MBOAT2: variants seen among roughly 807,000 people sequenced by gnomAD.
The protein encoded by MBOAT2 is membrane-bound glycerophospholipid O-acyltransferase 2.
A neutral mutation model predicts 63.4 loss-of-function variants in MBOAT2; 28 were observed. The observed-to-expected ratio is 0.44, with a 90% CI of 0.33 to 0.61. The LOEUF (loss-of-function observed/expected upper bound fraction) is 0.61. Ranked by LOEUF, MBOAT2 falls within the 20% of genes least tolerant of loss-of-function variation. MBOAT2 has a pLI of 0.03. For synonymous variants in MBOAT2, 211 were observed against 215.6 expected, an observed-to-expected ratio of 0.98 and a Z score of 0.19; for missense variants, 470 against 605.8, an observed-to-expected ratio of 0.78 and a Z score of 2.35.
chr2:8,870,877 A>G (rs1662266259), intron 8 of MBOAT2, among the ~76,000 whole-genome samples: 1 of 152,258 alleles, frequency 6.6e-6, no homozygotes, highest in Admixed American at 6.5e-5. Context: ...TTTGGTTTGT[A>G]AATATGTAAA....
chr2:8,889,696 C>T (rs1386122677), intron 4 of MBOAT2, among the ~76,000 whole-genome samples: 1 of 152,196 alleles, frequency 6.6e-6, no homozygotes, highest in Admixed American at 6.5e-5. Context: ...AAATTCTCTT[C>T]AGTTCTAAAT....
intron 4 of MBOAT2, among the ~76,000 whole-genome samples, chr2:8,907,185 T>C (rs370910704): frequency 7.2e-4 from 110 of 152,386 alleles, no homozygotes; most frequent in African/African-American, 2.5e-3. Context: ...AAGCTCTTAA[T>C]TTCTCTTTCA....
chr2:8,939,969 T>C (rs1667934215), intron 3 of MBOAT2, among the ~76,000 whole-genome samples: 1 of 152,172 alleles, frequency 6.6e-6, no homozygotes, highest in Non-Finnish European at 1.5e-5. Context: ...TTCAGTCAAA[T>C]GAAATTAGAT....
At chr2:8,948,409 G>T (rs1558646424) in intron 2 of MBOAT2, among the ~76,000 whole-genome samples, 1 of 152,054 alleles carries the variant, frequency 6.6e-6, no homozygotes, top group African/African-American at 2.4e-5. Context: ...CCATAATGAT[G>T]AGGTTTAGGG....
At chr2:8,933,672 G>T (rs1369307099) in intron 3 of MBOAT2, among the ~76,000 whole-genome samples, 2 of 151,972 alleles carry the variant, frequency 1.3e-5, no homozygotes, top group East Asian at 3.9e-4. Flanking sequence ...ATTAATTTGG[G>T]GCATTAACTA....
rs1662441577 is a variant in MBOAT2, at chr2:8,873,015, T to G, written c.883+93A>C. 17 of 1,152,280 alleles carry G rather than the reference T, an allele frequency of 1.5e-5. No individual in the cohort carries two copies. The South Asian group carries it at 2.4e-4, about 16-fold the overall frequency. The allele number at this position is 1,152,280 out of a possible 1,614,324, so 71.4% of individuals were successfully genotyped here. On this transcript the variant is annotated intron_variant, in intron 8 of 12. Coordinates refer to ENST00000305997, the MANE Select transcript of MBOAT2 (RefSeq NM_138799.4). ...ACTTAATTTTTCCAATTGGTCTTTA[T>G]GTATCCTCAAGAGGGCGCACTGATA... is the stretch of plus-strand genomic sequence containing the variant.
chr2:8,909,534 A>G (rs2148589195), intron 3 of MBOAT2, among the ~76,000 whole-genome samples: 1 of 152,330 alleles, frequency 6.6e-6, no homozygotes, highest in East Asian at 1.9e-4. Flanking sequence ...AGGACTTTCT[A>G]AGCAATATAT....
chr2:8,930,720 G>C (rs1194921457), intron 3 of MBOAT2, among the ~76,000 whole-genome samples: 1 of 134,070 alleles, frequency 7.5e-6, no homozygotes, highest in Non-Finnish European at 1.6e-5. Flanking sequence ...GTTGTGGGGT[G>C]GGGGGAGGGG....
intron 4 of MBOAT2, among the ~76,000 whole-genome samples, chr2:8,893,667 G>A (rs1332922578): frequency 1.3e-5 from 2 of 152,316 alleles, no homozygotes; most frequent in South Asian, 2.1e-4. Flanking sequence ...TTGAGAACAG[G>A]AAATGAAAGG....
intron 1 of MBOAT2, among the ~76,000 whole-genome samples, chr2:8,975,713 C>G (rs558921367): frequency 1.1e-3 from 156 of 143,536 alleles, no homozygotes; most frequent in African/African-American, 4.0e-3. Flanking sequence ...TGTATAGGTA[C>G]AATGGATGAA....
chr2:8,969,145 G>C (rs1308316635), intron 1 of MBOAT2, among the ~76,000 whole-genome samples: 11 of 152,128 alleles, frequency 7.2e-5, no homozygotes, highest in Admixed American at 7.2e-4. Flanking sequence ...TCCACAAAGG[G>C]AAGCCCATCA....
chr2:8,879,369 T>C (rs1397003302), intron 6 of MBOAT2, among the ~76,000 whole-genome samples: 1 of 152,208 alleles, frequency 6.6e-6, no homozygotes, highest in Non-Finnish European at 1.5e-5. Context: ...TTCTAAACCA[T>C]GAAACTGGCT....
At chr2:8,896,310 G>C (rs1371855122) in intron 4 of MBOAT2, among the ~76,000 whole-genome samples, 1 of 151,476 alleles carries the variant, frequency 6.6e-6, no homozygotes, top group Admixed American at 6.6e-5. Context: ...CGTAAAGGCC[G>C]GGTGGCATCT....
chr2:8,909,566 GA>G (rs1183266794), intron 3 of MBOAT2, among the ~76,000 whole-genome samples: 2 of 151,966 alleles, frequency 1.3e-5, no homozygotes, highest in African/African-American at 2.4e-5. Context: ...AATCAAGGGA[GA>G]AAAAAACCTT....
At chr2:8,933,109 G>A (rs1667437988) in intron 3 of MBOAT2, among the ~76,000 whole-genome samples, 1 of 152,068 alleles carries the variant, frequency 6.6e-6, no homozygotes, top group Non-Finnish European at 1.5e-5. Context: ...TCATTCTAAT[G>A]GATGGTTGCA....
At chr2:8,947,622 G>A (rs563884108) in intron 2 of MBOAT2, among the ~76,000 whole-genome samples, 24 of 152,240 alleles carry the variant, frequency 1.6e-4, no homozygotes, top group South Asian at 8.3e-4. Context: ...TAAGAATTAC[G>A]CTAAATCGAT....
intron 8 of MBOAT2, among the ~76,000 whole-genome samples, chr2:8,869,040 A>G (rs568991918): frequency 1.3e-5 from 2 of 152,096 alleles, no homozygotes; most frequent in South Asian, 4.2e-4. Flanking sequence ...TACTCTGTGT[A>G]TATGTCTCTA....
At chr2:8,927,899 T>C (rs1204323006) in intron 3 of MBOAT2, among the ~76,000 whole-genome samples, 1 of 152,148 alleles carries the variant, frequency 6.6e-6, no homozygotes, top group East Asian at 1.9e-4. Context: ...AGAGGGTTAA[T>C]TGGCTCACAG....
chr2:8,958,028 G>A (rs1669348603), intron 2 of MBOAT2, among the ~76,000 whole-genome samples: 1 of 151,976 alleles, frequency 6.6e-6, no homozygotes, highest in Non-Finnish European at 1.5e-5. Flanking sequence ...TCTTCCCCAG[G>A]AAGAACAGAC....
Sources: gnomAD v4.1 joint callset for allele counts (sites outside exome capture counted in the v4.1 genomes callset) on GRCh38, gnomAD v4.1.1 for gene constraint, MANE v1.5 for transcripts, NCBI Gene and HGNC (gene_info 2026-07-23, HGNC 2026-07-21) for gene names.